PER3: variants seen among roughly 807,000 people sequenced by gnomAD.
PER3 encodes the protein period circadian protein homolog 3.
In PER3, 107 loss-of-function variants were observed where a neutral mutation model predicts 127.2. That is an observed-to-expected ratio of 0.84 (90% confidence interval 0.72 to 0.99). The LOEUF (loss-of-function observed/expected upper bound fraction) is 0.99. Ranked by LOEUF, PER3 falls within the 50% of genes least tolerant of loss-of-function variation. PER3 has a pLI of 0.00. For synonymous variants in PER3, 618 were observed against 585.8 expected, an observed-to-expected ratio of 1.05 and a Z score of -0.79; for missense variants, 1,560 against 1,525.8, an observed-to-expected ratio of 1.02 and a Z score of -0.37.
intron 10 of PER3, among the ~76,000 whole-genome samples, chr1:7,804,299 GTTTC>G (rs779364212): frequency 7.7e-4 from 108 of 139,940 alleles, no homozygotes; most frequent in Non-Finnish European, 1.1e-3. Flanking sequence ...ACCTACAAGT[GTTTC>G]TTTCTTTCTT....
chr1:7,813,696 C>G (rs1179856638), intron 13 of PER3, among the ~76,000 whole-genome samples: 1 of 152,132 alleles, frequency 6.6e-6, no homozygotes, highest in Admixed American at 6.5e-5. Context: ...ATACTCAAAC[C>G]TGGCCTAAAA....
At chr1:7,834,900 G>T (rs1322539529) in intron 19 of PER3, among the ~76,000 whole-genome samples, 1 of 152,184 alleles carries the variant, frequency 6.6e-6, no homozygotes, top group African/African-American at 2.4e-5. Context: ...AGGGTCAAAT[G>T]CAAGATAGGA....
rs762073117 is a variant in PER3 at position 7,827,588 on chromosome 1, A to G, written c.2659A>G (p.Ile887Val). The G allele has an allele frequency of 3.8e-5, 62 of 1,613,920 alleles. No individual in the cohort carries two copies. The highest frequency in any genetic ancestry group is 4.9e-5 in the Non-Finnish European group (58 of 1,180,028). Residue 887 changes from isoleucine (I) to valine (V), a missense_variant, in exon 18 of 22, where the codon ATA becomes GTA. Transcript: ENST00000377532. Reference sequence around the variant, plus strand: ...CCTGGGGGCGACAGCCTCTTCTGCGATATCACCCTCAATGTCGTCAGCAAT... The same window carrying G: ...CCTGGGGGCGACAGCCTCTTCTGCGGTATCACCCTCAATGTCGTCAGCAAT... The part of the protein sequence containing the change: ...PFLGATASSA[I>V]SPSMSSAMSP...
intron 5 of PER3, among the ~76,000 whole-genome samples, chr1:7,793,642 A>G (rs1161268930): frequency 6.6e-6 from 1 of 152,244 alleles, no homozygotes; most frequent in Non-Finnish European, 1.5e-5. Context: ...ATTGTGTCCA[A>G]GGATCATTAC....
chr1:7,786,754 A>T lies in PER3; in HGVS notation c.308A>T (p.Asn103Ile). The change falls in exon 4 of 22, where the codon AAT becomes ATT. Residue 103 changes from asparagine to isoleucine, a missense_variant. By Grantham distance (149) the Asn-to-Ile change is moderately radical. Transcript: ENST00000377532. ...GAGTTTTTCCAGATTCTCAGTCAGA[A>T]TGGAGCACCTCAGGCAGATGTGAGC... Reference protein sequence around the residue: ...NSEFFQILSQNGAPQADVSMY... With the variant: ...NSEFFQILSQIGAPQADVSMY... The T allele has an allele frequency of 1.2e-6, 2 of 1,611,024 alleles. No individual in the cohort carries two copies. Among genetic ancestry groups the T allele is most frequent in the Non-Finnish European group, 1.7e-6 (2 of 1,177,186 alleles).
In PER3 at chr1:7,795,882, A is replaced by G. The variant is rs188596675; in HGVS notation, c.644+1874A>G. On this transcript the variant is annotated intron_variant, in intron 6 of 21. Coordinates refer to ENST00000377532, the MANE Select transcript of PER3 (RefSeq NM_001377275.1). Reference sequence around the variant, plus strand: ...TGGCCAGTCTGGCGTCATCTCTGCCAGCAGCAGTTCTTTAACCCCCTCTTC... The same window carrying G: ...TGGCCAGTCTGGCGTCATCTCTGCCGGCAGCAGTTCTTTAACCCCCTCTTC... Among the ~76,000 whole-genome samples, 750 of 152,370 alleles carry G rather than the reference A, an allele frequency of 4.9e-3. 1 individual carries two copies. Among genetic ancestry groups the G allele is most frequent in the Non-Finnish European group, 7.5e-3 (510 of 68,028 alleles).
chr1:7,785,775 C>G (rs1334044928), intron 3 of PER3, among the ~76,000 whole-genome samples, 189 bp downstream of exon 3: 1 of 152,188 alleles, frequency 6.6e-6, no homozygotes, highest in African/African-American at 2.4e-5. Context: ...ACCAGGAAAA[C>G]TTTATCTGTA....
At chr1:7,785,388 C>T (rs1301815608) in intron 2 of PER3, 53 bp from the exon 3 acceptor site, 11 of 1,462,246 alleles carry the variant, frequency 7.5e-6, no homozygotes, top group Admixed American at 6.9e-5. Flanking sequence ...CCCTAAGCCG[C>T]AAGATGCTGT....
chr1:7,810,577 C>G lies in PER3; in HGVS notation c.1511C>G (p.Ala504Gly). The G allele has an allele frequency of 6.2e-7, 1 of 1,609,060 alleles. No individual in the cohort carries two copies. The change falls in exon 13 of 22, where the codon GCG (alanine) becomes GGG (glycine). Residue 504 changes from alanine to glycine, a missense_variant. Ala to Gly is a moderately conservative substitution (Grantham distance 60). Coordinates refer to ENST00000377532, the MANE Select transcript of PER3 (RefSeq NM_001377275.1). Reference sequence around the variant, plus strand: ...GAACCGAATGGTGGTGGTGAGTCAGCGAATGGTGGTGGTGAGTCAGCCGGC... The same window carrying G: ...GAACCGAATGGTGGTGGTGAGTCAGGGAATGGTGGTGGTGAGTCAGCCGGC... ...RTEPNGGGES[A>G]NGGGECKTFT...
Position 7,842,698 on chromosome 1 carries a change from T to G in PER3, c.3576T>G (p.Asp1192Glu). The G allele has an allele frequency of 6.2e-7, 1 of 1,613,540 alleles. No homozygotes were observed. Residue 1192 changes from aspartate (D) to glutamate (E), a missense_variant, in exon 22 of 22, where the codon GAT becomes GAG. Asp to Glu is a conservative substitution (Grantham distance 45). Transcript: ENST00000377532. Reference sequence around the variant, plus strand: ...CCTGTGTCACTTGTGAAAATGAAGATTCAGCTGATGGTGCGGCCACATCCT... The same window carrying G: ...CCTGTGTCACTTGTGAAAATGAAGAGTCAGCTGATGGTGCGGCCACATCCT... ...IQACVTCENE[D>E]SADGAATSCG...
intron 16 of PER3, 28 bp downstream of exon 16, chr1:7,820,668 A>G: frequency 6.4e-7 from 1 of 1,563,710 alleles, no homozygotes; most frequent in Non-Finnish European, 8.7e-7. Flanking sequence ...TACTTTGAAA[A>G]TATACTCAAC....
chr1:7,818,855 G>A (rs1577848801), intron 13 of PER3, among the ~76,000 whole-genome samples: 1 of 152,256 alleles, frequency 6.6e-6, no homozygotes, highest in East Asian at 1.9e-4. Context: ...CCACCTGGGA[G>A]ATGCTGTGTA....
intron 16 of PER3, among the ~76,000 whole-genome samples, chr1:7,825,042 CTT>C (rs577476334): frequency 5.5e-5 from 8 of 144,894 alleles, no homozygotes; most frequent in Admixed American, 2.1e-4. Flanking sequence ...TATATTTTGG[CTT>C]TTTTTTTTTT....
intron 7 of PER3, among the ~76,000 whole-genome samples, chr1:7,799,637 C>G (rs2097161485): frequency 6.7e-6 from 1 of 148,554 alleles, no homozygotes; most frequent in Non-Finnish European, 1.5e-5. Flanking sequence ...AAAAGATAAT[C>G]ATTTCATGCA....
intron 21 of PER3, among the ~76,000 whole-genome samples, chr1:7,842,405 C>A (rs2097395052): frequency 1.3e-5 from 2 of 151,696 alleles, no homozygotes; most frequent in Admixed American, 1.3e-4. Flanking sequence ...GAGGCTGAGG[C>A]AAGAGAATCG....
At chr1:7,800,995 T>G in intron 7 of PER3, 118 bp from the exon 8 acceptor site, 3 of 699,424 alleles carry the variant, frequency 4.3e-6, no homozygotes, top group Non-Finnish European at 7.6e-6. Flanking sequence ...GGCCCCTAAA[T>G]GAGATTTCTA....
rs533400256 is a variant in PER3, at chr1:7,842,764, G to A, written c.*9G>A. On this transcript the variant is annotated 3_prime_UTR_variant, in exon 22 of 22. Coordinates refer to ENST00000377532, the MANE Select transcript of PER3 (RefSeq NM_001377275.1). ...TAGAAGACAGCTGTTGAGTGACTGT[G>A]AGGATGAACCTTCATACCCTTTCCA... 2 of 1,611,216 alleles carry A rather than the reference G, an allele frequency of 1.2e-6. No homozygotes were observed. Among genetic ancestry groups the A allele is most frequent in the Non-Finnish European group, 1.7e-6 (2 of 1,177,896 alleles).
At chr1:7,810,129 C>A in intron 12 of PER3, 108 bp downstream of exon 12, 1 of 1,062,400 alleles carries the variant, frequency 9.4e-7, no homozygotes, top group South Asian at 1.7e-5. Context: ...AAGACCTCAA[C>A]TGATAACAGA....
At chr1:7,812,878 C>T (rs182624986) in intron 13 of PER3, among the ~76,000 whole-genome samples, 2 of 152,062 alleles carry the variant, frequency 1.3e-5, no homozygotes, top group Admixed American at 6.5e-5. Flanking sequence ...GCTACAGAAA[C>T]CTTTATACTC....
Sources: allele counts gnomAD v4.1 joint callset (sites outside exome capture counted in the v4.1 genomes callset), GRCh38; gene constraint gnomAD v4.1.1; transcripts MANE v1.5; gene names NCBI Gene and HGNC (gene_info 2026-07-23, HGNC 2026-07-21).